The following CA10 variants were observed in gnomAD, a reference collection of about 807,000 sequenced individuals.
CA10 encodes carbonic anhydrase-related protein 10.
A neutral mutation model predicts 44.2 loss-of-function variants in CA10; 14 were observed. The ratio of observed to expected loss-of-function variants is 0.32; its 90% CI spans 0.21 to 0.50. The LOEUF (loss-of-function observed/expected upper bound fraction) is 0.50, where lower values mean the gene tolerates loss of function less well. Among genes scored for constraint, CA10 ranks in the 20% least tolerant of loss-of-function variants. CA10 has a pLI of 0.99. For missense variants in CA10, 350 were observed against 409.7 expected (o/e 0.85, Z 1.26); for synonymous variants, 159 against 141.6 (o/e 1.12, Z -0.87).
At chr17:51,871,391 CTAA>C (rs1979805138) in intron 3 of CA10, among the ~76,000 whole-genome samples, 1 of 109,850 alleles carries the variant, frequency 9.1e-6, no homozygotes, top group African/African-American at 3.4e-5. Context: ...ACCACCAGGC[CTAA>C]TTTTTTTTTT....
chr17:51,873,302 A>G (rs933114462), intron 3 of CA10, among the ~76,000 whole-genome samples: 2 of 152,204 alleles, frequency 1.3e-5, no homozygotes, highest in Admixed American at 6.5e-5. Context: ...TGGCACTGCT[A>G]CTTTTCAGTT....
chr17:51,689,897 T>C (rs960970019), intron 4 of CA10, among the ~76,000 whole-genome samples: 1 of 152,226 alleles, frequency 6.6e-6, no homozygotes, highest in Non-Finnish European at 1.5e-5. Context: ...AATTAACATA[T>C]GCATTACTTT....
At chr17:51,641,239 C>G (rs1395111932) in intron 6 of CA10, among the ~76,000 whole-genome samples, 3 of 151,764 alleles carry the variant, frequency 2.0e-5, no homozygotes, top group Non-Finnish European at 2.9e-5. Context: ...AGGGCAAATC[C>G]TAGATGTCAA....
intron 2 of CA10, among the ~76,000 whole-genome samples, chr17:52,045,003 C>T (rs1986872602): frequency 6.6e-6 from 1 of 151,454 alleles, no homozygotes. Flanking sequence ...TAAATAAAAC[C>T]ACAATAAGAT....
chr17:51,889,735 T>A (rs1447964464), intron 3 of CA10, among the ~76,000 whole-genome samples: 1 of 152,198 alleles, frequency 6.6e-6, no homozygotes, highest in Non-Finnish European at 1.5e-5. Flanking sequence ...AGATCAATAG[T>A]AGCATCACTT....
chr17:51,959,147 C>T (rs927888615), intron 2 of CA10, among the ~76,000 whole-genome samples: 4 of 151,758 alleles, frequency 2.6e-5, no homozygotes, highest in African/African-American at 9.7e-5. Context: ...AAGCCCCAGT[C>T]ACAAAGCCTT....
intron 3 of CA10, among the ~76,000 whole-genome samples, chr17:51,823,344 GCAGC>G (rs1490284413): frequency 6.6e-6 from 1 of 152,222 alleles, no homozygotes; most frequent in Non-Finnish European, 1.5e-5. Flanking sequence ...AGAGTAAGGA[GCAGC>G]CCTCCAGTTC....
chr17:51,691,364 G>A (rs1052164092), intron 4 of CA10, among the ~76,000 whole-genome samples: 1 of 152,028 alleles, frequency 6.6e-6, no homozygotes, highest in African/African-American at 2.4e-5. Flanking sequence ...ATTGGTCATC[G>A]GTATGTCATT....
intron 7 of CA10, 66 bp from the exon 8 acceptor site, chr17:51,633,716 C>A (rs1912699026): frequency 6.5e-7 from 1 of 1,546,822 alleles, no homozygotes; most frequent in South Asian, 1.2e-5. Context: ...AGAAATAAGA[C>A]CACAGAGACT....
intron 4 of CA10, among the ~76,000 whole-genome samples, chr17:51,680,761 T>A (rs1914818137): frequency 6.6e-6 from 1 of 152,156 alleles, no homozygotes; most frequent in Admixed American, 6.5e-5. Context: ...ATGCTCAGTC[T>A]GAGGACTCTT....
chr17:51,716,763 A>T (rs1007971120), intron 4 of CA10, among the ~76,000 whole-genome samples: 6 of 152,192 alleles, frequency 3.9e-5, no homozygotes, highest in Non-Finnish European at 7.3e-5. Context: ...TTAGGTATAA[A>T]ATCCTTTCCT....
Position 52,107,883 on chromosome 17 carries a change from CA to C in CA10, c.62-35491del, listed in dbSNP as rs1237440810. On this transcript the variant is annotated intron_variant, in intron 1 of 8. Transcript: ENST00000451037. The stretch of plus-strand genomic sequence containing the variant: ...AAACATTAAGAGCATTTAAGAAAGT[CA>C]GAGCAAGGCAATGCTGGAAGAACTT... Among the ~76,000 whole-genome samples the C allele has an allele frequency of 2.6e-5, 4 of 152,096 alleles. No homozygotes were observed. The East Asian group carries it at 7.7e-4, about 29-fold the overall frequency.
At chr17:52,100,992 G>A (rs1988525139) in intron 1 of CA10, among the ~76,000 whole-genome samples, 1 of 152,176 alleles carries the variant, frequency 6.6e-6, no homozygotes, top group African/African-American at 2.4e-5. Flanking sequence ...CCTTTGCCCA[G>A]ATAAGGCTTA....
At chr17:52,041,015 G>T (rs1986753596) in intron 2 of CA10, among the ~76,000 whole-genome samples, 1 of 151,992 alleles carries the variant, frequency 6.6e-6, no homozygotes, top group Non-Finnish European at 1.5e-5. Flanking sequence ...CACAACATCA[G>T]GTAGAACCCA....
At chr17:52,091,445 T>C (rs1161888732) in intron 1 of CA10, among the ~76,000 whole-genome samples, 1 of 152,148 alleles carries the variant, frequency 6.6e-6, no homozygotes, top group Non-Finnish European at 1.5e-5. Flanking sequence ...TTCAGTGGTA[T>C]AGATGGGAGC....
chr17:52,006,486 T>A (rs953344230), intron 2 of CA10, among the ~76,000 whole-genome samples: 11 of 151,778 alleles, frequency 7.2e-5, no homozygotes, highest in African/African-American at 2.7e-4. Flanking sequence ...GCAAATGTAG[T>A]GGAAGATCAA....
intron 2 of CA10, among the ~76,000 whole-genome samples, chr17:51,965,722 G>C (rs1984055875): frequency 6.6e-6 from 1 of 151,842 alleles, no homozygotes; most frequent in African/African-American, 2.4e-5. Context: ...AATAATTAGA[G>C]CCATCTATCA....
intron 4 of CA10, among the ~76,000 whole-genome samples, chr17:51,655,930 C>T (rs979100520): frequency 1.4e-4 from 22 of 152,352 alleles, no homozygotes; most frequent in African/African-American, 4.1e-4. Context: ...GCAGGCCAGG[C>T]GTTGCTCTGC....
chr17:51,722,696 A>G (rs1035249563), intron 4 of CA10, among the ~76,000 whole-genome samples: 2 of 152,162 alleles, frequency 1.3e-5, no homozygotes, highest in African/African-American at 4.8e-5. Context: ...TATTATCACT[A>G]TTTTCCAAAT....
Sources: gnomAD v4.1 joint callset for allele counts (sites outside exome capture counted in the v4.1 genomes callset) on GRCh38, gnomAD v4.1.1 for gene constraint, MANE v1.5 for transcripts, NCBI Gene and HGNC (gene_info 2026-07-23, HGNC 2026-07-21) for gene names.